SRRD: variants seen among roughly 807,000 people sequenced by gnomAD.
The protein encoded by SRRD is SRR1 domain containing.
SRRD carries 28 observed loss-of-function variants against 30.7 expected under a neutral mutation model. That is an observed-to-expected ratio of 0.91 (90% confidence interval 0.68 to 1.25). SRRD has a LOEUF of 1.25. SRRD is among the 50% of genes most tolerant of loss of function. SRRD has a pLI of 0.00. For missense variants in SRRD, 415 were observed against 417.3 expected (o/e 0.99, Z 0.05); for synonymous variants, 161 against 159.6 (o/e 1.01, Z -0.07).
intron 5 of SRRD, 40 bp from the exon 6 acceptor site, chr22:26,490,985 G>A: frequency 6.9e-7 from 1 of 1,453,586 alleles, no homozygotes; most frequent in Non-Finnish European, 9.2e-7. Flanking sequence ...CCTAATCATG[G>A]TGTTTTTTTT....
At chr22:26,487,735 A>G (rs145642162) in intron 2 of SRRD, among the ~76,000 whole-genome samples, 2 of 152,340 alleles carry the variant, frequency 1.3e-5, no homozygotes, top group East Asian at 1.9e-4. Flanking sequence ...ATGAGTTCAC[A>G]TTAGAGTTTT....
chr22:26,488,090 T>C lies in SRRD; in HGVS notation c.312T>C (p.Leu104=). ...LEQLKAPVGT[L]SDIFGNLHLD... is the part of the protein sequence containing the mutation. ...AACTGAAGGCCCCTGTGGGGACTCT[T>C]TCAGACATCTTTGGAAACCTGCATC... The change falls in exon 3 of 7, where the codon CTT becomes CTC. Residue 104 remains leucine (L), a synonymous_variant. Transcript: ENST00000215917. 5.0e-6 allele frequency: 8 copies of C among 1,614,184 alleles called. No individual in the cohort carries two copies. The highest frequency in any genetic ancestry group is 5.9e-6 in the Non-Finnish European group (7 of 1,180,016).
At chr22:26,490,602 C>G (rs1440437682) in intron 5 of SRRD, among the ~76,000 whole-genome samples, 1 of 104,270 alleles carries the variant, frequency 9.6e-6, no homozygotes, top group African/African-American at 3.5e-5. Flanking sequence ...CTCACTCTGT[C>G]CCCCCGGCTG....
At chr22:26,491,188 G>A (rs1478647969) in intron 6 of SRRD, 118 bp downstream of exon 6, 39 of 1,042,154 alleles carry the variant, frequency 3.7e-5, no homozygotes, top group Non-Finnish European at 5.5e-5. Context: ...TGTACTGTCA[G>A]CTCTCTCCAT....
Position 26,493,371 on chromosome 22 carries a change from C to T in SRRD, c.*1699C>T, listed in dbSNP as rs749248611. On this transcript the variant is annotated 3_prime_UTR_variant, in exon 7 of 7. Coordinates refer to ENST00000215917, the MANE Select transcript of SRRD (RefSeq NM_001013694.3). ...ATTAAAGACTCAGGAAATAGAAATT[C>T]CAGTTCTAACTGCCACCCTTTAACT... is the stretch of plus-strand genomic sequence containing the variant. The T allele has an allele frequency of 6.6e-6, 1 of 152,246 alleles. No individual in the cohort carries two copies. The highest frequency in any genetic ancestry group is 2.4e-5 in the African/African-American group (1 of 41,452). The allele number at this position is 152,246 out of a possible 1,614,324, so 9.4% of individuals were successfully genotyped here.
intron 2 of SRRD, among the ~76,000 whole-genome samples, chr22:26,487,516 C>T (rs779180840): frequency 3.3e-5 from 5 of 151,966 alleles, no homozygotes; most frequent in South Asian, 2.1e-4. Context: ...TGCGCCAGTA[C>T]GCCTGACTAA....
chr22:26,487,901 C>G (rs2091719959), intron 2 of SRRD, 128 bp from the exon 3 acceptor site: 2 of 1,024,868 alleles, frequency 2.0e-6, no homozygotes, highest in South Asian at 1.7e-5. Flanking sequence ...CTCTCTCTCT[C>G]TGAAGAATTG....
In SRRD at chr22:26,488,061, G is replaced by C. The variant is rs746559603; in HGVS notation, c.283G>C (p.Glu95Gln). The C allele has an allele frequency of 7.4e-6, 12 of 1,612,922 alleles. No individual in the cohort carries two copies. Among genetic ancestry groups the C allele is most frequent in the African/African-American group, 1.3e-5 (1 of 74,816 alleles). ...TINRCLTKHL[E>Q]QLKAPVGTLS... is the part of the protein sequence containing the mutation. ...CAATAGATGTCTCACAAAACATCTG[G>C]AACAACTGAAGGCCCCTGTGGGGAC... The change falls in exon 3 of 7, where the codon GAA becomes CAA. Residue 95 changes from glutamate to glutamine, a missense_variant. Coordinates refer to ENST00000215917, the MANE Select transcript of SRRD (RefSeq NM_001013694.3).
In SRRD at chr22:26,490,889, T is replaced by C. The variant is rs554500206; in HGVS notation, c.765-136T>C. On this transcript the variant is annotated intron_variant, in intron 5 of 6. Coordinates refer to ENST00000215917, the MANE Select transcript of SRRD (RefSeq NM_001013694.3). ...TATTTAACTGGTTTACTCCACATCT[T>C]GAGTTTTTTCCTGAATTCTTACTAT... 91 of 787,852 alleles carry C rather than the reference T, an allele frequency of 1.2e-4. No individual in the cohort carries two copies. The Middle Eastern group carries it at 1.9e-3, about 16-fold the overall frequency. 48.8% of individuals were successfully genotyped at this position (787,852 alleles called of 1,614,324 possible).
In SRRD at chr22:26,488,227, C is replaced by G. The variant is rs2091723024; in HGVS notation, c.449C>G (p.Ala150Gly). 6.2e-7 allele frequency: 1 copy of G among 1,614,164 alleles called. No homozygotes were observed. Among genetic ancestry groups the G allele is most frequent in the Non-Finnish European group, 8.5e-7 (1 of 1,180,034 alleles). Residue 150 changes from alanine to glycine, a missense_variant, in exon 3 of 7, where the codon GCC (alanine) becomes GGC (glycine). Ala to Gly is a moderately conservative substitution (Grantham distance 60, BLOSUM62 0). Coordinates refer to ENST00000215917, the MANE Select transcript of SRRD (RefSeq NM_001013694.3). ...GTGTGTTACGGCATTGGGAACTTTGCCACCTGCATCGTAGCTAGAAACCAG... is the reference window on the plus strand; with the variant it reads ...GTGTGTTACGGCATTGGGAACTTTGGCACCTGCATCGTAGCTAGAAACCAG... ...KCVCYGIGNF[A>G]TCIVARNQLT...
chr22:26,485,954 C>A (rs2091705579), intron 1 of SRRD, 69 bp from the exon 2 acceptor site: 1 of 1,589,330 alleles, frequency 6.3e-7, no homozygotes, highest in South Asian at 1.1e-5. Context: ...AGGTCATGAT[C>A]AGGAAAGTTA....
intron 5 of SRRD, 32 bp downstream of exon 5, chr22:26,490,230 C>T (rs756607659): frequency 2.0e-5 from 33 of 1,612,044 alleles, no homozygotes; most frequent in Non-Finnish European, 2.5e-5. Flanking sequence ...TTCTGTCAGG[C>T]CCTGAGGTGA....
Position 26,492,159 on chromosome 22 carries a change from G to C in SRRD, c.*487G>C. 1 of 1,614,198 alleles carries C rather than the reference G, an allele frequency of 6.2e-7. No homozygotes were observed. The highest frequency in any genetic ancestry group is 1.1e-5 in the South Asian group (1 of 91,084). On this transcript the variant is annotated 3_prime_UTR_variant, in exon 7 of 7. Coordinates refer to ENST00000215917, the MANE Select transcript of SRRD (RefSeq NM_001013694.3). ...CCTTCGTGTCGCTTCCCAATGACGGGCATGAAGACAATGTTGTGCTCCTCA... is the reference window on the plus strand; with the variant it reads ...CCTTCGTGTCGCTTCCCAATGACGGCCATGAAGACAATGTTGTGCTCCTCA...
In SRRD at chr22:26,490,091, C is replaced by T. The variant is rs753701677; in HGVS notation, c.657C>T (p.Leu219=). 1.9e-6 allele frequency: 3 copies of T among 1,614,054 alleles called. No homozygotes were observed. The South Asian group carries it at 3.3e-5, about 18-fold the overall frequency. Residue 219 remains leucine, a synonymous_variant, in exon 5 of 7, where the codon CTC becomes CTT. Coordinates refer to ENST00000215917, the MANE Select transcript of SRRD (RefSeq NM_001013694.3). ...IRGEPTIFYM[L]HCGTALYNNL... is the part of the protein sequence containing the mutation. ...GGGAGCCTACCATCTTTTACATGCTCCATTGTGGGACGGCCTTGTACAACA... is the reference window on the plus strand; with the variant it reads ...GGGAGCCTACCATCTTTTACATGCTTCATTGTGGGACGGCCTTGTACAACA...
Position 26,484,014 on chromosome 22 carries a change from CGG to C in SRRD, c.128_129del (p.Gly43GlufsTer15). The C allele has an allele frequency of 7.1e-7, 1 of 1,402,722 alleles. No individual in the cohort carries two copies. 86.9% of individuals were successfully genotyped at this position (1,402,722 alleles called of 1,614,324 possible). On this transcript the variant is annotated frameshift_variant, in exon 1 of 7. Coordinates refer to ENST00000215917, the MANE Select transcript of SRRD (RefSeq NM_001013694.3). LOFTEE classifies it high-confidence loss of function. Reference sequence around the variant, plus strand: ...GCCCCGGGGGAGAGAGGCGGCGCCCCGGGGGAGAGAGGCGGCGCCCCGGGGCC... The same window carrying C: ...GCCCCGGGGGAGAGAGGCGGCGCCCCGGGAGAGAGGCGGCGCCCCGGGGCC... Reference protein sequence around the residue: ...AAPRGREAAPRGREAAPRGPE... With the variant: ...AAPRGREAAPXGREAAPRGPE...
At chr22:26,487,851 C>A in intron 2 of SRRD, 178 bp from the exon 3 acceptor site, 1 of 646,452 alleles carries the variant, frequency 1.5e-6, no homozygotes, top group Non-Finnish European at 2.5e-6. Context: ...GTGAATGTGA[C>A]TGTATGTCCA....
Position 26,484,100 on chromosome 22 carries a change from G to T in SRRD, c.209+1G>T. On this transcript the variant is annotated splice_donor_variant, in intron 1 of 6. Transcript: ENST00000215917. LOFTEE classifies it high-confidence loss of function. ...TGCTTCGTCGCATCTGGGAGGCTGA[G>T]TGAGTGCAGGCTCGGCCCTGATGGA... is the stretch of plus-strand genomic sequence containing the variant. The T allele has an allele frequency of 6.6e-7, 1 of 1,514,426 alleles. No homozygotes were observed. The highest frequency in any genetic ancestry group is 8.8e-7 in the Non-Finnish European group (1 of 1,137,552). 93.8% of individuals were successfully genotyped at this position (1,514,426 alleles called of 1,614,324 possible). A position where few individuals can be genotyped will look rare whatever the true frequency, so the allele number is the denominator to read the frequency against.
chr22:26,492,344 C>A lies in SRRD; in HGVS notation c.*672C>A, dbSNP rs371455445. 1.9e-6 allele frequency: 3 copies of A among 1,614,112 alleles called. No individual in the cohort carries two copies. In the African/African-American group the frequency reaches 4.0e-5, roughly 22 times the overall value. ...GTGGGTGAGATAGGCAATGTTCTCC[C>A]GTGCTCCTGGCTGCATGTAGGCACC... On this transcript the variant is annotated 3_prime_UTR_variant, in exon 7 of 7. Coordinates refer to ENST00000215917, the MANE Select transcript of SRRD (RefSeq NM_001013694.3).
chr22:26,485,761 G>A (rs564454186), intron 1 of SRRD, among the ~76,000 whole-genome samples: 1 of 152,288 alleles, frequency 6.6e-6, no homozygotes, highest in East Asian at 1.9e-4. Flanking sequence ...CTCTGTTGTA[G>A]ACTGAGAATA....
Sources: allele counts gnomAD v4.1 joint callset (sites outside exome capture counted in the v4.1 genomes callset), GRCh38; gene constraint gnomAD v4.1.1; transcripts MANE v1.5; gene names NCBI Gene and HGNC (gene_info 2026-07-23, HGNC 2026-07-21).